The following ALDH18A1 variants were observed in gnomAD, a reference collection of about 807,000 sequenced individuals.
ALDH18A1 encodes delta-1-pyrroline-5-carboxylate synthase.
In ALDH18A1, 44 loss-of-function variants were observed where a neutral mutation model predicts 88.8. The ratio of observed to expected loss-of-function variants is 0.50; its 90% CI spans 0.39 to 0.64. ALDH18A1 has a LOEUF of 0.64. Among genes scored for constraint, ALDH18A1 ranks in the 30% least tolerant of loss-of-function variants. The pLI is 0.00. For synonymous variants in ALDH18A1, 331 were observed against 372.1 expected (o/e 0.89, Z 1.27); for missense variants, 782 against 1,009.5 (o/e 0.77, Z 3.05).
intron 5 of ALDH18A1, among the ~76,000 whole-genome samples, chr10:95,635,746 T>C (rs2139616994): frequency 6.6e-6 from 1 of 152,232 alleles, no homozygotes; most frequent in Non-Finnish European, 1.5e-5. Context: ...ATGGAAACAA[T>C]GGCTGATGCT....
rs537043237 is a variant in ALDH18A1 at position 95,606,856 on chromosome 10, C to T, written c.2294G>A (p.Arg765Gln). ...ATCTGAGACCACGTGGTCCTTCCCT[C>T]GCAGCAGCCACTTAGTAGTAAGCAG... The part of the protein sequence containing the change: ...EGLLTTKWLL[R>Q]GKDHVVSDFS... Residue 765 changes from arginine to glutamine, a missense_variant, in exon 18 of 18, where the codon CGA becomes CAA. Arg to Gln is a conservative substitution (Grantham distance 43, BLOSUM62 1). Around this residue, in one of 3 missense-constraint regions of ALDH18A1, gnomAD observed 556 missense variants for 654.5 expected, o/e 0.85. Transcript: ENST00000371224. 14 of 1,614,222 alleles carry T rather than the reference C, an allele frequency of 8.7e-6. No individual in the cohort carries two copies. Among genetic ancestry groups the T allele is most frequent in the Middle Eastern group, 1.6e-4 (1 of 6,062 alleles).
chr10:95,620,678 A>C (rs2097850725), intron 12 of ALDH18A1, among the ~76,000 whole-genome samples: 1 of 151,992 alleles, frequency 6.6e-6, no homozygotes, highest in South Asian at 2.1e-4. Flanking sequence ...ATCTCAGCAA[A>C]CTCTCACAAG....
intron 7 of ALDH18A1, among the ~76,000 whole-genome samples, chr10:95,631,189 T>C (rs1210361870): frequency 2.6e-5 from 4 of 152,100 alleles, no homozygotes; most frequent in Admixed American, 6.6e-5. Flanking sequence ...TGGAAAGACA[T>C]ATTAGAGCCA....
chr10:95,616,485 C>T lies in ALDH18A1; in HGVS notation c.1597G>A (p.Val533Met), dbSNP rs1363176129. The T allele has an allele frequency of 5.7e-6, 9 of 1,565,624 alleles. No homozygotes were observed. Among genetic ancestry groups the T allele is most frequent in the East Asian group, 2.3e-5 (1 of 42,914 alleles). ...ALSIHGVKEA[V>M]QLVNTREEVE... ...CATTCCCAGGGACCTACCAGTTGCA[C>T]GGCCTCCTTGACTCCATGGATTGAG... The change falls in exon 13 of 18, where the codon GTG (valine) becomes ATG (methionine). Residue 533 changes from valine (V) to methionine (M), a missense_variant. Physicochemically the swap from Val to Met is conservative, Grantham distance 21. This residue lies in a region of ALDH18A1 where 556 missense variants were observed against 654.5 expected (regional missense o/e 0.85). Coordinates refer to ENST00000371224, the MANE Select transcript of ALDH18A1 (RefSeq NM_002860.4).
intron 6 of ALDH18A1, 149 bp from the exon 7 acceptor site, chr10:95,633,198 C>T: frequency 1.3e-6 from 1 of 778,338 alleles, no homozygotes; most frequent in Non-Finnish European, 2.2e-6. Context: ...TCTTGCAGGC[C>T]CCTTCTGTCT....
chr10:95,605,990 T>G lies in ALDH18A1; in HGVS notation c.*772A>C, dbSNP rs905052314. Reference sequence around the variant, plus strand: ...AAAAAAGGGGGAAGAATCCAAAGTATTAAAATAATCCTCTAATTTTTGTTT... The same window carrying G: ...AAAAAAGGGGGAAGAATCCAAAGTAGTAAAATAATCCTCTAATTTTTGTTT... On this transcript the variant is annotated 3_prime_UTR_variant, in exon 18 of 18. Transcript: ENST00000371224. The G allele has an allele frequency of 6.5e-6, 1 of 153,030 alleles. No homozygotes were observed. The highest frequency in any genetic ancestry group is 2.4e-5 in the African/African-American group (1 of 41,450). The allele number at this position is 153,030 out of a possible 1,614,324, so 9.5% of individuals were successfully genotyped here. A position where few individuals can be genotyped will look rare whatever the true frequency, so the allele number is the denominator to read the frequency against.
At position 95,611,570 on chromosome 10, in the gene ALDH18A1, C is replaced by G. The variant is rs11188400; in HGVS notation, c.1924-128G>C. The G allele has an allele frequency of 0.32, 322,226 of 1,004,718 alleles. 56,240 individuals carry two copies. The highest frequency in any genetic ancestry group is 0.44 in the Admixed American group (23,790 of 54,016). 62.2% of individuals were successfully genotyped at this position (1,004,718 alleles called of 1,614,324 possible). On this transcript the variant is annotated intron_variant, in intron 15 of 17. Coordinates refer to ENST00000371224, the MANE Select transcript of ALDH18A1 (RefSeq NM_002860.4). The stretch of plus-strand genomic sequence containing the variant: ...GGCTCCTGTAGCCTCAACAACTGAA[C>G]TAGTCCTACTTTCCTCCCTCCAGCA...
intron 3 of ALDH18A1, among the ~76,000 whole-genome samples, chr10:95,642,565 T>C (rs966194326): frequency 4.6e-5 from 7 of 152,028 alleles, no homozygotes; most frequent in African/African-American, 1.7e-4. Flanking sequence ...CAGTGAGCCA[T>C]GATCATGCCA....
At chr10:95,639,255 T>C (rs149022451) in intron 3 of ALDH18A1, among the ~76,000 whole-genome samples, 6 of 152,162 alleles carry the variant, frequency 3.9e-5, no homozygotes, top group African/African-American at 1.2e-4. Context: ...AACTGAGCCC[T>C]GGAGTTCAGG....
At chr10:95,638,431 C>T (rs2097885264) in intron 3 of ALDH18A1, among the ~76,000 whole-genome samples, 1 of 152,166 alleles carries the variant, frequency 6.6e-6, no homozygotes, top group South Asian at 2.1e-4. Flanking sequence ...TTACCATTGA[C>T]AGTAATGGCA....
chr10:95,616,364 C>G (rs1012918136), intron 13 of ALDH18A1, 113 bp downstream of exon 13: 6 of 1,426,672 alleles, frequency 4.2e-6, no homozygotes, highest in Non-Finnish European at 4.8e-6. Flanking sequence ...GCTGGAGTGT[C>G]AAGTCTGCTT....
chr10:95,655,808 C>G (rs1415231228), intron 1 of ALDH18A1, among the ~76,000 whole-genome samples: 1 of 152,108 alleles, frequency 6.6e-6, no homozygotes, highest in Admixed American at 6.6e-5. Context: ...CGTTTTGACT[C>G]AAGACATTTC....
intron 2 of ALDH18A1, among the ~76,000 whole-genome samples, chr10:95,643,671 CATAG>C (rs2097896047): frequency 6.6e-6 from 1 of 152,030 alleles, no homozygotes; most frequent in South Asian, 2.1e-4. Flanking sequence ...TGTATAAACA[CATAG>C]ATGGATAAAA....
chr10:95,622,860 G>T (rs912292443), intron 11 of ALDH18A1, among the ~76,000 whole-genome samples: 8 of 152,014 alleles, frequency 5.3e-5, no homozygotes, highest in African/African-American at 1.9e-4. Context: ...AAAAACAGTA[G>T]TATGCATGAT....
intron 17 of ALDH18A1, among the ~76,000 whole-genome samples, chr10:95,609,345 T>C (rs975527123): frequency 1.2e-4 from 19 of 152,336 alleles, no homozygotes; most frequent in African/African-American, 4.3e-4. Flanking sequence ...GCTGGCCTGT[T>C]TGTTTTGATG....
intron 11 of ALDH18A1, among the ~76,000 whole-genome samples, chr10:95,624,503 C>T (rs773129590): frequency 3.3e-5 from 5 of 152,104 alleles, no homozygotes; most frequent in East Asian, 1.9e-4. Context: ...ATGAAAGTAA[C>T]GTTGAACCGT....
intron 5 of ALDH18A1, 138 bp from the exon 6 acceptor site, chr10:95,633,787 A>C: frequency 1.5e-6 from 1 of 683,916 alleles, no homozygotes; most frequent in Non-Finnish European, 2.5e-6. Flanking sequence ...AGAATGAAAT[A>C]CACATATCTG....
At chr10:95,653,227 T>G in intron 2 of ALDH18A1, 63 bp downstream of exon 2, 1 of 1,409,914 alleles carries the variant, frequency 7.1e-7, no homozygotes, top group African/African-American at 1.4e-5. Flanking sequence ...TTTGAAAACC[T>G]TGTTGAAACA....
intron 13 of ALDH18A1, among the ~76,000 whole-genome samples, chr10:95,615,001 G>T (rs114097196): frequency 0.034 from 5,114 of 152,244 alleles, 117 homozygotes; most frequent in Non-Finnish European, 0.049. Flanking sequence ...CAACATAAAC[G>T]TGTGTTTTGT....
Sources: allele counts gnomAD v4.1 joint callset (sites outside exome capture counted in the v4.1 genomes callset), GRCh38; gene constraint gnomAD v4.1.1; regional missense constraint gnomAD v4.1.1; transcripts MANE v1.5; gene names NCBI Gene and HGNC (gene_info 2026-07-23, HGNC 2026-07-21).